Variants in SUCO observed in about 807,000 individuals in gnomAD.
The protein encoded by SUCO is SUN domain containing ossification factor, also known as SUN domain-containing ossification factor.
In SUCO, 57 loss-of-function variants were observed where a neutral mutation model predicts 148.1. The observed-to-expected ratio is 0.38, with a 90% CI of 0.31 to 0.48. The LOEUF (loss-of-function observed/expected upper bound fraction) is 0.48, where lower values mean the gene tolerates loss of function less well. Ranked by LOEUF, SUCO falls within the 20% of genes least tolerant of loss-of-function variation. The pLI, the probability that SUCO is intolerant of heterozygous loss-of-function variation, is 0.96. For missense variants in SUCO, 1,331 were observed against 1,468.2 expected (o/e 0.91, Z 1.53); for synonymous variants, 470 against 502.7 (o/e 0.93, Z 0.87).
At chr1:172,575,113 A>G (rs1448673867) in intron 10 of SUCO, among the ~76,000 whole-genome samples, 2 of 152,018 alleles carry the variant, frequency 1.3e-5, no homozygotes, top group Non-Finnish European at 2.9e-5. Flanking sequence ...TCAAACTCAG[A>G]TGTGGTTTTA....
chr1:172,608,126 C>T, intron 22 of SUCO: 1 of 973,248 alleles, frequency 1.0e-6, no homozygotes, highest in South Asian at 4.8e-5. Flanking sequence ...ACTAATAAAT[C>T]TAATTTACTC....
At chr1:172,539,532 T>G (rs1384609376) in intron 1 of SUCO, among the ~76,000 whole-genome samples, 1 of 152,218 alleles carries the variant, frequency 6.6e-6, no homozygotes, top group African/African-American at 2.4e-5. Flanking sequence ...ACTTTATAAT[T>G]AATTGCTAGT....
chr1:172,592,049 C>T (rs1459123254), intron 19 of SUCO, among the ~76,000 whole-genome samples: 3 of 152,308 alleles, frequency 2.0e-5, no homozygotes, highest in East Asian at 3.9e-4. Context: ...AGCATTTTCT[C>T]ATGTGTCTGT....
At chr1:172,557,590 A>T (rs1653842954) in intron 5 of SUCO, 54 bp from the exon 6 acceptor site, 1 of 1,500,136 alleles carries the variant, frequency 6.7e-7, no homozygotes, top group Admixed American at 2.2e-5. Context: ...GATTGTATAG[A>T]ATTTGTTATC....
rs1039335740 is a variant in SUCO at position 172,602,426 on chromosome 1, G to T, written c.3173+208G>T. ...GACTATAATAGAGAAAACACTAATA[G>T]TAAGTGCATGAAACCCCTGAAATAT... On this transcript the variant is annotated intron_variant, in intron 21 of 23. Coordinates refer to ENST00000263688, the MANE Select transcript of SUCO (RefSeq NM_014283.5). The T allele has an allele frequency of 6.1e-6, 6 of 983,240 alleles. No homozygotes were observed. In the African/African-American group the frequency reaches 1.0e-4, roughly 17 times the overall value. The allele number at this position is 983,240 out of a possible 1,614,324, so 60.9% of individuals were successfully genotyped here.
intron 17 of SUCO, among the ~76,000 whole-genome samples, 183 bp downstream of exon 17, chr1:172,586,131 C>T (rs956941227): frequency 2.6e-5 from 4 of 151,854 alleles, no homozygotes; most frequent in East Asian, 1.9e-4. Flanking sequence ...AGTGTATATG[C>T]ATACTGGGAA....
At chr1:172,599,051 A>T (rs912290439) in intron 19 of SUCO, among the ~76,000 whole-genome samples, 4 of 152,234 alleles carry the variant, frequency 2.6e-5, no homozygotes, top group Non-Finnish European at 5.9e-5. Flanking sequence ...ATAAGGTCCT[A>T]AAAGAGTTTT....
intron 4 of SUCO, chr1:172,556,863 G>A: frequency 2.3e-6 from 2 of 852,418 alleles, no homozygotes; most frequent in Non-Finnish European, 2.8e-6. Context: ...TGAAATGGAG[G>A]TGAGGCAGGG....
At chr1:172,602,284 T>G in intron 21 of SUCO, 66 bp downstream of exon 21, 1 of 1,436,810 alleles carries the variant, frequency 7.0e-7, no homozygotes, top group Non-Finnish European at 9.3e-7. Flanking sequence ...TTTGAGAAAT[T>G]TTAAGCAAAT....
At chr1:172,532,862 C>A (rs946371087), upstream of SUCO, 8 of 1,524,502 alleles carry the variant, frequency 5.2e-6, no homozygotes, top group African/African-American at 6.9e-5. Context: ...TGAACGCAAG[C>A]CAGCAAGTGG....
intron 9 of SUCO, among the ~76,000 whole-genome samples, chr1:172,572,240 G>A (rs1262274140): frequency 1.3e-5 from 2 of 150,842 alleles, no homozygotes; most frequent in African/African-American, 2.4e-5. Context: ...TGACAATGGT[G>A]GTTTTGTGGA....
At chr1:172,609,587 G>A (rs1260104331) in intron 23 of SUCO, 23 of 984,952 alleles carry the variant, frequency 2.3e-5, no homozygotes, top group Non-Finnish European at 2.8e-5. Context: ...TATATTCATA[G>A]GTAGCAGGTA....
upstream of SUCO, chr1:172,532,404 ACCC>A: frequency 8.1e-7 from 1 of 1,234,390 alleles, no homozygotes; most frequent in Non-Finnish European, 1.1e-6. Context: ...AAAGTGAGGA[ACCC>A]GGCAAGCGGC....
intron 17 of SUCO, 61 bp downstream of exon 17, chr1:172,586,009 A>T (rs751646600): frequency 1.8e-5 from 19 of 1,074,848 alleles, no homozygotes; most frequent in Admixed American, 4.8e-5. Context: ...GTATATTAGT[A>T]TAAAAAAAGG....
chr1:172,596,984 A>G (rs1199833895), intron 19 of SUCO, among the ~76,000 whole-genome samples: 1 of 152,200 alleles, frequency 6.6e-6, no homozygotes, highest in Non-Finnish European at 1.5e-5. Flanking sequence ...AGCCTCAGCA[A>G]TGGCAGATGC....
chr1:172,561,113 A>C, intron 6 of SUCO, among the ~76,000 whole-genome samples: 2 of 152,372 alleles, frequency 1.3e-5, no homozygotes, highest in Middle Eastern at 6.8e-3. Flanking sequence ...CATTTACCTC[A>C]CTGCAGCATT....
At chr1:172,590,372 C>T in intron 18 of SUCO, 1 of 984,996 alleles carries the variant, frequency 1.0e-6, no homozygotes, top group Non-Finnish European at 1.2e-6. Context: ...GGCACATTTG[C>T]AGTTTGCTCT....
At chr1:172,571,399 C>T (rs891117668) in intron 9 of SUCO, among the ~76,000 whole-genome samples, 4 of 152,122 alleles carry the variant, frequency 2.6e-5, no homozygotes, top group Admixed American at 6.5e-5. Flanking sequence ...GGCCTGATCT[C>T]GGCTCGCTAC....
intron 4 of SUCO, 80 bp downstream of exon 4, chr1:172,556,103 C>CT: frequency 8.7e-7 from 1 of 1,148,484 alleles, no homozygotes; most frequent in South Asian, 1.4e-5. Context: ...GATAAAGCAG[C>CT]TTGATACTCA....
Sources: gnomAD v4.1 joint callset for allele counts (sites outside exome capture counted in the v4.1 genomes callset) on GRCh38, gnomAD v4.1.1 for gene constraint, MANE v1.5 for transcripts, NCBI Gene and HGNC (gene_info 2026-07-23, HGNC 2026-07-21) for gene names.